The following PRSS12 variants were observed in gnomAD, a reference collection of about 807,000 sequenced individuals.
PRSS12 encodes serine protease 12.
A neutral mutation model predicts 104.4 loss-of-function variants in PRSS12; 85 were observed. The observed-to-expected ratio is 0.81, with a 90% CI of 0.68 to 0.98. The LOEUF (loss-of-function observed/expected upper bound fraction) is 0.98, where lower values mean the gene tolerates loss of function less well. PRSS12 is among the 50% of genes least tolerant of loss of function. The pLI, the probability that PRSS12 is intolerant of heterozygous loss-of-function variation, is 0.00. For synonymous variants in PRSS12, 454 were observed against 425.2 expected (o/e 1.07, Z -0.83); for missense variants, 1,141 against 1,139.2 (o/e 1.00, Z -0.02).
chr4:118,283,078 C>T lies in PRSS12; in HGVS notation c.2073G>A (p.Arg691=), dbSNP rs748179512. 7.4e-6 allele frequency: 12 copies of T among 1,614,028 alleles called. No homozygotes were observed. The highest frequency in any genetic ancestry group is 1.6e-4 in the Middle Eastern group (1 of 6,082). Residue 691 remains arginine (R), a synonymous_variant, in exon 12 of 13, where the codon AGG becomes AGA. Coordinates refer to ENST00000296498, the MANE Select transcript of PRSS12 (RefSeq NM_003619.4). ...GTACCAGAGTATGATAATCTCCAAC[C>T]CTAACAGCATAGCTCCTAGTGCTGT... ...YGNSTRSYAV[R]VGDYHTLVPE... is the part of the protein sequence containing the mutation.
At chr4:118,312,928 A>G (rs1743786575) in intron 7 of PRSS12, 4 of 459,438 alleles carry the variant, frequency 8.7e-6, no homozygotes, top group Non-Finnish European at 1.6e-5. Flanking sequence ...TCTTTATTCC[A>G]TTTTTCAGAT....
At chr4:118,306,322 G>C (rs1411117184) in intron 8 of PRSS12, among the ~76,000 whole-genome samples, 1 of 152,200 alleles carries the variant, frequency 6.6e-6, no homozygotes, top group Non-Finnish European at 1.5e-5. Flanking sequence ...AAATGATTGT[G>C]TTAGGCCATT....
chr4:118,299,090 A>G (rs1743327026), intron 8 of PRSS12, 152 bp from the exon 9 acceptor site: 1 of 879,482 alleles, frequency 1.1e-6, no homozygotes, highest in African/African-American at 1.7e-5. Flanking sequence ...ACTGTCAAAA[A>G]AAATTAAATA....
intron 1 of PRSS12, among the ~76,000 whole-genome samples, chr4:118,340,657 CACTT>C: frequency 6.6e-6 from 1 of 152,210 alleles, no homozygotes; most frequent in Non-Finnish European, 1.5e-5. Flanking sequence ...GAGCCAAGAG[CACTT>C]TCTCTGCCTT....
rs796473234 is a variant in PRSS12, at chr4:118,301,094, A to G, written c.1632-2156T>C. Among the ~76,000 whole-genome samples the G allele has an allele frequency of 2.3e-4, 35 of 152,098 alleles. No homozygotes were observed. In the South Asian group the frequency reaches 3.5e-3, roughly 15 times the overall value. ...TTTTTAAATTTTATGTATTTATTGTATATCACGGTTCTTGTCTGTCTGAAA... is the reference window on the plus strand; with the variant it reads ...TTTTTAAATTTTATGTATTTATTGTGTATCACGGTTCTTGTCTGTCTGAAA... On this transcript the variant is annotated intron_variant, in intron 8 of 12. Coordinates refer to ENST00000296498, the MANE Select transcript of PRSS12 (RefSeq NM_003619.4).
Position 118,352,312 on chromosome 4 carries a change from A to G in PRSS12, c.409T>C (p.Phe137Leu), listed in dbSNP as rs754072455. 5 of 1,598,548 alleles carry G rather than the reference A, an allele frequency of 3.1e-6. No individual in the cohort carries two copies. In the South Asian group the frequency reaches 5.6e-5, roughly 18 times the overall value. ...CCCGCGCCGTCGGGGCTCCGACAAA[A>G]GTTGTGGCGCTGTCCTCGCAGCTGA... ...WAQLRGQRHN[F>L]CRSPDGAGRP... The change falls in exon 1 of 13, where the codon TTT (phenylalanine) becomes CTT (leucine). Residue 137 changes from phenylalanine (F) to leucine (L), a missense_variant. By Grantham distance (22) the Phe-to-Leu change is conservative. Coordinates refer to ENST00000296498, the MANE Select transcript of PRSS12 (RefSeq NM_003619.4).
chr4:118,294,874 T>C, intron 11 of PRSS12, 65 bp downstream of exon 11: 3 of 1,598,380 alleles, frequency 1.9e-6, no homozygotes, highest in Non-Finnish European at 2.6e-6. Context: ...CTGTAGAGCA[T>C]GAGGGGATTG....
rs1427250608 is a variant in PRSS12 at position 118,352,685 on chromosome 4, T to TAA, written c.34_35dup (p.Leu12PhefsTer2). 38 of 1,612,962 alleles carry TAA rather than the reference T, an allele frequency of 2.4e-5. No homozygotes were observed. Among genetic ancestry groups the TAA allele is most frequent in the Non-Finnish European group, 3.2e-5 (38 of 1,179,462 alleles). The stretch of plus-strand genomic sequence containing the variant: ...AGCCGACCACTTCGGGGAGCGCCCC[T>TAA]AACATCAGGGCTAGCACGAAGCGGG... On this transcript the variant is annotated frameshift_variant, in exon 1 of 13. Transcript: ENST00000296498. LOFTEE classifies it high-confidence loss of function.
Position 118,308,533 on chromosome 4 carries a change from G to A in PRSS12, c.1534C>T (p.Arg512Ter), listed in dbSNP as rs766609479. 15 of 1,613,666 alleles carry A rather than the reference G, an allele frequency of 9.3e-6. No individual in the cohort carries two copies. Among genetic ancestry groups the A allele is most frequent in the South Asian group, 2.2e-5 (2 of 91,068 alleles). ...TGGCCATTGATAAAAACCTCCACTC[G>A]TCCTTCTTTCTTATTTTCTCCATCC... ...LMDGENKKEG[R>*]VEVFINGQWG... The change falls in exon 8 of 13, where the codon CGA becomes TGA. Residue 512 changes from arginine (R) to a stop codon, truncating the protein, a stop_gained. Transcript: ENST00000296498. LOFTEE classifies it high-confidence loss of function.
chr4:118,339,021 A>G (rs1724131897), intron 1 of PRSS12, among the ~76,000 whole-genome samples: 1 of 152,164 alleles, frequency 6.6e-6, no homozygotes, highest in Non-Finnish European at 1.5e-5. Context: ...ACACCCAAAG[A>G]GCTGTCCCAA....
At chr4:118,313,449 G>A (rs1482327258) in intron 6 of PRSS12, 52 bp from the exon 7 acceptor site, 1 of 1,577,536 alleles carries the variant, frequency 6.3e-7, no homozygotes, top group African/African-American at 1.4e-5. Context: ...CTTGGTTCAG[G>A]GAACCACAAA....
intron 9 of PRSS12, 94 bp from the exon 10 acceptor site, chr4:118,295,950 T>C (rs888736562): frequency 7.9e-6 from 9 of 1,136,852 alleles, no homozygotes; most frequent in South Asian, 2.5e-5. Context: ...TCCTCCTCTA[T>C]GTCAAAATCC....
chr4:118,331,902 T>C (rs1299767806), intron 3 of PRSS12, 36 bp from the exon 4 acceptor site: 3 of 1,612,200 alleles, frequency 1.9e-6, no homozygotes, highest in Non-Finnish European at 1.7e-6. Context: ...GCAAAACCTA[T>C]GCATTTACAT....
chr4:118,327,732 A>G lies in PRSS12; in HGVS notation c.971+3984T>C, dbSNP rs559763854. On this transcript the variant is annotated intron_variant, in intron 4 of 12. Coordinates refer to ENST00000296498, the MANE Select transcript of PRSS12 (RefSeq NM_003619.4). Reference sequence around the variant, plus strand: ...AGGAACTTCAGTTAAAATGTCTCCAACTAAACTTCACTGGGTACATATGCG... The same window carrying G: ...AGGAACTTCAGTTAAAATGTCTCCAGCTAAACTTCACTGGGTACATATGCG... 2.6e-5 allele frequency among the ~76,000 whole-genome samples: 4 copies of G among 152,300 alleles called. No homozygotes were observed. The East Asian group carries it at 7.7e-4, about 29-fold the overall frequency.
intron 5 of PRSS12, 35 bp from the exon 6 acceptor site, chr4:118,316,358 T>C (rs1282089837): frequency 1.2e-6 from 2 of 1,613,162 alleles, no homozygotes; most frequent in Non-Finnish European, 8.5e-7. Context: ...ACTAAGCAAA[T>C]CAACTTTCAA....
intron 8 of PRSS12, among the ~76,000 whole-genome samples, chr4:118,305,124 C>T (rs1324241256): frequency 1.3e-5 from 2 of 149,490 alleles, no homozygotes; most frequent in African/African-American, 4.9e-5. Context: ...TATATATACA[C>T]ACACACACAC....
At chr4:118,334,216 T>C (rs1389907172) in intron 3 of PRSS12, among the ~76,000 whole-genome samples, 2 of 152,168 alleles carry the variant, frequency 1.3e-5, no homozygotes. Context: ...ATTTTATATA[T>C]GTTTATAGAT....
chr4:118,310,387 G>A (rs2126032805), intron 7 of PRSS12, among the ~76,000 whole-genome samples: 1 of 152,220 alleles, frequency 6.6e-6, no homozygotes, highest in East Asian at 1.9e-4. Flanking sequence ...TAACTTGCAT[G>A]GCTTTGTAAA....
At chr4:118,294,830 G>A (rs778404823) in intron 11 of PRSS12, 109 bp downstream of exon 11, 150 of 1,486,364 alleles carry the variant, frequency 1.0e-4, no homozygotes, top group Non-Finnish European at 1.3e-4. Flanking sequence ...CACAAGCAGC[G>A]AAAGCTCATA....
Sources: gnomAD v4.1 joint callset for allele counts (sites outside exome capture counted in the v4.1 genomes callset) on GRCh38, gnomAD v4.1.1 for gene constraint, MANE v1.5 for transcripts, NCBI Gene and HGNC (gene_info 2026-07-23, HGNC 2026-07-21) for gene names.